The following POLB variants were observed in gnomAD, a reference collection of about 807,000 sequenced individuals.
The protein encoded by POLB is 5'-dRP lyase.
POLB carries 37 observed loss-of-function variants against 52.7 expected under a neutral mutation model. The observed-to-expected ratio is 0.70, with a 90% confidence interval of 0.54 to 0.92. POLB has a LOEUF of 0.92. Among genes scored for constraint, POLB ranks in the 40% least tolerant of loss-of-function variants. POLB has a pLI of 0.00. For synonymous variants in POLB, 138 were observed against 131.3 expected (o/e 1.05, Z -0.35); for missense variants, 313 against 400.8 (o/e 0.78, Z 1.87).
At chr8:42,353,174 CTT>C (rs1268234381) in intron 6 of POLB, among the ~76,000 whole-genome samples, 48 of 138,278 alleles carry the variant, frequency 3.5e-4, no homozygotes, top group Non-Finnish European at 3.5e-4. Flanking sequence ...GCCTTTATTT[CTT>C]TTTTTTTTTT....
chr8:42,349,469 A>G lies in POLB; in HGVS notation c.261+379A>G, dbSNP rs1202935175. ...AGTGGCGCGATCTCGGCTCACTGCA[A>G]GCTCCGCCTCCTGGGTTCATGCCAT... is the stretch of plus-strand genomic sequence containing the variant. On this transcript the variant is annotated intron_variant, in intron 4 of 13. Coordinates refer to ENST00000265421, the MANE Select transcript of POLB (RefSeq NM_002690.3). Among the ~76,000 whole-genome samples the G allele has an allele frequency of 3.3e-5, 5 of 152,226 alleles. No individual in the cohort carries two copies. The East Asian group carries it at 9.7e-4, about 29-fold the overall frequency.
At chr8:42,349,413 G>A (rs2130798256) in intron 4 of POLB, 2 of 178,866 alleles carry the variant, frequency 1.1e-5, no homozygotes, top group South Asian at 2.5e-4. Context: ...TTTTGAGATG[G>A]AGTCTTGCTC....
chr8:42,338,762 C>T, intron 1 of POLB, 77 bp downstream of exon 1: 1 of 1,399,214 alleles, frequency 7.1e-7, no homozygotes, highest in Non-Finnish European at 1.0e-6. Context: ...TCTCCCACAC[C>T]GACAGTCCAG....
At chr8:42,340,433 T>G (rs2130767591) in intron 2 of POLB, among the ~76,000 whole-genome samples, 1 of 152,344 alleles carries the variant, frequency 6.6e-6, no homozygotes, top group South Asian at 2.1e-4. Context: ...TATGACTGAA[T>G]TTTGTATTTA....
chr8:42,355,202 C>T (rs1486641318), intron 6 of POLB, among the ~76,000 whole-genome samples: 1 of 151,866 alleles, frequency 6.6e-6, no homozygotes, highest in Non-Finnish European at 1.5e-5. Context: ...CCATGCCTCG[C>T]TAATTTTTTG....
chr8:42,362,624 C>G lies in POLB; in HGVS notation c.634C>G (p.His212Asp). 2.5e-6 allele frequency: 4 copies of G among 1,604,836 alleles called. No homozygotes were observed. The highest frequency in any genetic ancestry group is 2.6e-6 in the Non-Finnish European group (3 of 1,171,852). Residue 212 changes from histidine to aspartate, a missense_variant, in exon 11 of 14, where the codon CAT becomes GAT. Transcript: ENST00000265421. ...SESTKQPKLL[H>D]QVVEQLQKVH... ...TATGATTCTACAGCCAAAACTGTTA[C>G]ATCAGGTTGTGGAGCAGTTACAAAA...
rs1351413762 is a variant in POLB, at chr8:42,344,950, T to C, written c.120-3T>C. On this transcript the variant is annotated splice_region_variant and splice_polypyrimidine_tract_variant and intron_variant, in intron 2 of 13. Coordinates refer to ENST00000265421, the MANE Select transcript of POLB (RefSeq NM_002690.3). ...TGGTTTTCCTTTTCTTCTTTCCTTA[T>C]AGAAAAGCAGCATCTGTTATAGCAA... 5.7e-6 allele frequency: 9 copies of C among 1,581,814 alleles called. No individual in the cohort carries two copies. Among genetic ancestry groups the C allele is most frequent in the Non-Finnish European group, 6.9e-6 (8 of 1,151,222 alleles).
chr8:42,371,513 TA>T, intron 13 of POLB, 49 bp from the exon 14 acceptor site: 1 of 1,095,048 alleles, frequency 9.1e-7, no homozygotes, highest in Non-Finnish European at 1.4e-6. Context: ...CCTCTATAAC[TA>T]AACTATAAAA....
chr8:42,338,699 C>T lies in POLB; in HGVS notation c.61+14C>T, dbSNP rs778587622. The T allele has an allele frequency of 5.0e-6, 8 of 1,612,708 alleles. No individual in the cohort carries two copies. Among genetic ancestry groups the T allele is most frequent in the Non-Finnish European group, 6.8e-6 (8 of 1,178,666 alleles). On this transcript the variant is annotated intron_variant, in intron 1 of 13. Transcript: ENST00000265421. ...ACATGCTCACAGGTTAGCACCGGGC[C>T]GGGCCCCGCTGGCTTTCTTCTTTCC... is the stretch of plus-strand genomic sequence containing the variant.
intron 7 of POLB, 76 bp from the exon 8 acceptor site, chr8:42,357,093 T>A (rs777841213): frequency 1.9e-5 from 15 of 794,830 alleles, no homozygotes; most frequent in Admixed American, 1.3e-4. Flanking sequence ...CGGACAATTG[T>A]TATAAAAGGC....
intron 9 of POLB, among the ~76,000 whole-genome samples, chr8:42,360,760 AAAAG>A (rs1438937471): frequency 2.0e-5 from 3 of 152,062 alleles, no homozygotes; most frequent in Admixed American, 6.6e-5. Context: ...AAAAAAAAAA[AAAAG>A]AGAGTGCCTG....
At chr8:42,370,567 G>A (rs1166110602) in intron 13 of POLB, among the ~76,000 whole-genome samples, 1 of 151,698 alleles carries the variant, frequency 6.6e-6, no homozygotes, top group Non-Finnish European at 1.5e-5. Flanking sequence ...GGTAGACTAG[G>A]GCAGTGCTTC....
Position 42,338,590 on chromosome 8 carries a change from T to A in POLB, c.-35T>A. The A allele has an allele frequency of 6.2e-7, 1 of 1,603,114 alleles. No individual in the cohort carries two copies. The highest frequency in any genetic ancestry group is 8.5e-7 in the Non-Finnish European group (1 of 1,169,926). ...CTGGGAGAGGGCTCTAGTCCCTGGT[T>A]CTGAACACTCTGGGGTTCTCGGGTG... On this transcript the variant is annotated 5_prime_UTR_variant, in exon 1 of 14. Coordinates refer to ENST00000265421, the MANE Select transcript of POLB (RefSeq NM_002690.3).
intron 5 of POLB, among the ~76,000 whole-genome samples, chr8:42,350,930 G>T (rs373959445): frequency 2.0e-5 from 3 of 151,574 alleles, no homozygotes; most frequent in South Asian, 2.1e-4. Flanking sequence ...GAGTGCAGTG[G>T]TGCTATTATA....
At chr8:42,363,900 G>A (rs1436117209) in intron 11 of POLB, among the ~76,000 whole-genome samples, 1 of 151,410 alleles carries the variant, frequency 6.6e-6, no homozygotes, top group African/African-American at 2.4e-5. Context: ...CAACAGGAAG[G>A]CAGATAGAAA....
In POLB at chr8:42,371,511, A is replaced by G. The variant is rs1005762992; in HGVS notation, c.914-52A>G. 79 of 1,062,168 alleles carry G rather than the reference A, an allele frequency of 7.4e-5. No homozygotes were observed. The East Asian group carries it at 1.8e-3, about 25-fold the overall frequency. 65.8% of individuals were successfully genotyped at this position (1,062,168 alleles called of 1,614,324 possible). A position where few individuals can be genotyped will look rare whatever the true frequency, so the allele number is the denominator to read the frequency against. On this transcript the variant is annotated intron_variant, in intron 13 of 13. Coordinates refer to ENST00000265421, the MANE Select transcript of POLB (RefSeq NM_002690.3). ...AGCTCTTAATCTTGAACCCTCTATA[A>G]CTAAACTATAAAACTGGTTCTTACA... is the stretch of plus-strand genomic sequence containing the variant.
chr8:42,362,162 A>G (rs948574041), intron 10 of POLB, among the ~76,000 whole-genome samples: 2 of 152,224 alleles, frequency 1.3e-5, no homozygotes, highest in African/African-American at 4.8e-5. Flanking sequence ...CGGGAGGCTG[A>G]GGCAGGAGAA....
Position 42,362,681 on chromosome 8 carries a change from G to GGTATCT in POLB, c.693_694insATCTGT (p.Gly231_Glu232insIleCys). 6.2e-7 allele frequency: 1 copy of GGTATCT among 1,602,420 alleles called. No individual in the cohort carries two copies. The highest frequency in any genetic ancestry group is 8.5e-7 in the Non-Finnish European group (1 of 1,169,916). On this transcript the variant is annotated inframe_insertion, in exon 11 of 14. Transcript: ENST00000265421. ...TTTTATCACAGATACCCTGTCAAAG[G>GGTATCT]GTGAGACAAAGTTCATGGTAAGTAC...
intron 9 of POLB, among the ~76,000 whole-genome samples, chr8:42,360,103 A>G (rs1243587734): frequency 7.0e-6 from 1 of 143,722 alleles, no homozygotes; most frequent in Non-Finnish European, 1.5e-5. Context: ...AAACACCACC[A>G]TGCCCGGCTA....
Sources: gnomAD v4.1 joint callset for allele counts (sites outside exome capture counted in the v4.1 genomes callset) on GRCh38, gnomAD v4.1.1 for gene constraint, MANE v1.5 for transcripts, NCBI Gene and HGNC (gene_info 2026-07-23, HGNC 2026-07-21) for gene names.